KAZN: variants seen among roughly 807,000 people sequenced by gnomAD.
KAZN encodes the protein kazrin, periplakin interacting protein.
Under a neutral mutation model 87.4 loss-of-function variants are expected in KAZN, and 40 were observed. That is an observed-to-expected ratio of 0.46 (90% confidence interval 0.36 to 0.60). KAZN has a LOEUF of 0.60. Among genes scored for constraint, KAZN ranks in the 20% least tolerant of loss-of-function variants. KAZN has a pLI of 0.00. For missense variants in KAZN, 898 were observed against 1,073.9 expected, an observed-to-expected ratio of 0.84 and a Z score of 2.29; for synonymous variants, 466 against 458.3, an observed-to-expected ratio of 1.02 and a Z score of -0.22.
At chr1:14,806,384 CT>C (rs1243295108) in intron 1 of KAZN, among the ~76,000 whole-genome samples, 2 of 152,200 alleles carry the variant, frequency 1.3e-5, no homozygotes, top group African/African-American at 4.8e-5. Context: ...AATTATATTT[CT>C]TATTTTATCA....
At position 14,110,781 on chromosome 1, in the gene KAZN, G is replaced by GA. The variant is rs34736458; in HGVS notation, c.92-69646dup. ...CCCTAGGTTTCAGGCTTAGTACAGGGAAAAAAAAGACACGTAAAATATCTC... is the reference window on the plus strand; with the variant it reads ...CCCTAGGTTTCAGGCTTAGTACAGGGAAAAAAAAAGACACGTAAAATATCTC... On this transcript the variant is annotated intron_variant, in intron 1 of 16. Transcript: ENST00000636203. Among the ~76,000 whole-genome samples, 5 of 132,202 alleles carry GA rather than the reference G, an allele frequency of 3.8e-5. 1 individual carries two copies. Among genetic ancestry groups the GA allele is most frequent in the Admixed American group, 1.5e-4 (2 of 13,298 alleles). 86.7% of individuals were successfully genotyped at this position (132,202 alleles called of 152,430 possible).
chr1:14,643,065 T>G (rs531788617), intron 1 of KAZN, among the ~76,000 whole-genome samples: 1 of 152,166 alleles, frequency 6.6e-6, no homozygotes, highest in Non-Finnish European at 1.5e-5. Flanking sequence ...TGAATGTTTT[T>G]AGCAGCTCTG....
intron 1 of KAZN, among the ~76,000 whole-genome samples, chr1:14,623,880 C>G (rs1018791308): frequency 1.3e-5 from 2 of 151,408 alleles, no homozygotes; most frequent in Non-Finnish European, 2.9e-5. Context: ...TGATTTTATT[C>G]CCTTGTGGTC....
chr1:14,993,446 G>A (rs1048242270), intron 2 of KAZN, among the ~76,000 whole-genome samples: 1 of 151,710 alleles, frequency 6.6e-6, no homozygotes, highest in Admixed American at 6.6e-5. Context: ...TCCAGCCTGG[G>A]CAACAAGAGC....
chr1:14,544,218 T>G (rs1672983375), intron 2 of KAZN, among the ~76,000 whole-genome samples: 2 of 151,912 alleles, frequency 1.3e-5, no homozygotes. Flanking sequence ...TGAATAGAGA[T>G]TTCTGAGTTG....
Position 15,065,847 on chromosome 1 carries a change from C to T in KAZN, c.1222+94C>T, listed in dbSNP as rs959917242. The T allele has an allele frequency of 1.9e-6, 3 of 1,570,318 alleles. No individual in the cohort carries two copies. The highest frequency in any genetic ancestry group is 1.4e-5 in the African/African-American group (1 of 73,458). On this transcript the variant is annotated intron_variant, in intron 8 of 14. Coordinates refer to ENST00000376030, the MANE Select transcript of KAZN (RefSeq NM_201628.3). ...CCGCAGGCGTGTCTGTGCGTGTGGG[C>T]GTGTGTGCAAGCGAGCGTGGGTGCG...
chr1:14,598,416 C>G (rs1311920917), upstream of KAZN, among the ~76,000 whole-genome samples: 1 of 152,194 alleles, frequency 6.6e-6, no homozygotes, highest in African/African-American at 2.4e-5. The surrounding 1 kb of genome is among the most constrained non-coding windows in gnomAD (Gnocchi z 4.2). Context: ...GCTCGGGGCA[C>G]CAGTTCTCCA....
At chr1:14,485,487 A>G (rs2148399027) in intron 2 of KAZN, among the ~76,000 whole-genome samples, 1 of 152,246 alleles carries the variant, frequency 6.6e-6, no homozygotes, top group East Asian at 1.9e-4. Flanking sequence ...TGGCTTGTCA[A>G]TTTACTGTTG....
At chr1:14,351,858 G>T (rs187635742) in intron 2 of KAZN, among the ~76,000 whole-genome samples, 5 of 152,266 alleles carry the variant, frequency 3.3e-5, no homozygotes, top group Admixed American at 2.0e-4. Context: ...GTAATTAGTT[G>T]CTTAGTGGCT....
intron 2 of KAZN, among the ~76,000 whole-genome samples, chr1:14,433,561 T>C (rs1666205153): frequency 6.6e-6 from 1 of 152,112 alleles, no homozygotes; most frequent in African/African-American, 2.4e-5. Flanking sequence ...AGTGCTCTTC[T>C]AAAAAGAGAC....
intron 1 of KAZN, among the ~76,000 whole-genome samples, chr1:14,150,477 A>C (rs1415220299): frequency 1.3e-5 from 2 of 152,136 alleles, no homozygotes; most frequent in African/African-American, 4.8e-5. Context: ...AGAACTTCCA[A>C]CTTCATTGTG....
chr1:14,155,633 A>G (rs1177417909), intron 1 of KAZN, among the ~76,000 whole-genome samples: 2 of 149,520 alleles, frequency 1.3e-5, no homozygotes, highest in African/African-American at 5.0e-5. Context: ...TTTATTTGGT[A>G]TTTTTCTTCT....
chr1:14,552,385 GCT>G (rs1673589525), intron 2 of KAZN, among the ~76,000 whole-genome samples: 1 of 152,236 alleles, frequency 6.6e-6, no homozygotes, highest in Non-Finnish European at 1.5e-5. Flanking sequence ...GAGGAGGGCA[GCT>G]GCCTCCCAGG....
intron 2 of KAZN, among the ~76,000 whole-genome samples, chr1:14,540,457 G>A (rs952397391): frequency 1.3e-5 from 2 of 152,240 alleles, no homozygotes; most frequent in Admixed American, 1.3e-4. Flanking sequence ...TCGTAGCCAG[G>A]GAGAGAGCTC....
intron 2 of KAZN, among the ~76,000 whole-genome samples, chr1:14,592,372 C>G (rs1041404607): frequency 4.6e-5 from 7 of 152,186 alleles, no homozygotes; most frequent in Non-Finnish European, 1.0e-4. Context: ...ATATTTCACA[C>G]GTGCTCAGTG....
rs900343282 is a variant in KAZN, at chr1:14,996,640, T to C, written c.418+35765T>C. Among the ~76,000 whole-genome samples the C allele has an allele frequency of 7.9e-5, 12 of 152,152 alleles. No homozygotes were observed. Among genetic ancestry groups the C allele is most frequent in the African/African-American group, 2.9e-4 (12 of 41,420 alleles). On this transcript the variant is annotated intron_variant, in intron 2 of 14. Coordinates refer to ENST00000376030, the MANE Select transcript of KAZN (RefSeq NM_201628.3). The surrounding 1 kb of genome is among the most constrained non-coding windows in gnomAD (Gnocchi z 5.9). ...CCACGGGCGTGCAGATCTGACAAGA[T>C]CAGGATCTGGGTCTGTGAGAGGCCC...
At chr1:14,595,134 A>G (rs531242228), upstream of KAZN, among the ~76,000 whole-genome samples, 6 of 81,418 alleles carry the variant, frequency 7.4e-5, no homozygotes, top group Non-Finnish European at 1.5e-4. Flanking sequence ...ACAGACCAAG[A>G]CTCCATCTCA....
At chr1:14,149,756 C>T (rs1275404476) in intron 1 of KAZN, among the ~76,000 whole-genome samples, 1 of 152,092 alleles carries the variant, frequency 6.6e-6, no homozygotes, top group Non-Finnish European at 1.5e-5. Flanking sequence ...ATGAGTCCAT[C>T]GTGTTAGTCA....
intron 1 of KAZN, among the ~76,000 whole-genome samples, chr1:14,102,770 C>A (rs868187503): frequency 2.0e-5 from 3 of 152,250 alleles, no homozygotes; most frequent in Middle Eastern, 3.4e-3. Flanking sequence ...ATGCATTAAA[C>A]AACAGAAGTT....
Sources: gnomAD v4.1 joint callset for allele counts (sites outside exome capture counted in the v4.1 genomes callset) on GRCh38, gnomAD v4.1.1 for gene constraint, Gnocchi (gnomAD v3.1) non-coding constraint, MANE v1.5 for transcripts, NCBI Gene and HGNC (gene_info 2026-07-23, HGNC 2026-07-21) for gene names.